CEP290: variants seen among roughly 807,000 people sequenced by gnomAD.
CEP290 encodes the protein centrosomal protein of 290 kDa.
Under a neutral mutation model 344.9 loss-of-function variants are expected in CEP290, and 317 were observed. The ratio of observed to expected loss-of-function variants is 0.92; its 90% CI spans 0.84 to 1.01. The LOEUF is 1.01. Ranked by LOEUF, CEP290 falls within the 50% of genes least tolerant of loss-of-function variation. The probability of loss-of-function intolerance (pLI) is 0.00; values close to 1 mark genes in which losing one functional copy is unlikely to be tolerated. For synonymous variants in CEP290, 932 were observed against 895.8 expected (o/e 1.04, Z -0.72); for missense variants, 2,754 against 2,761.4 (o/e 1.00, Z 0.06).
chr12:88,058,783 C>T, intron 49 of CEP290, 65 bp downstream of exon 49: 2 of 1,533,224 alleles, frequency 1.3e-6, no homozygotes, highest in Non-Finnish European at 1.8e-6. Context: ...ATAGTGTTGT[C>T]TTTTAAAACA....
intron 5 of CEP290, among the ~76,000 whole-genome samples, chr12:88,138,236 T>G (rs1239182757): frequency 6.6e-6 from 1 of 152,176 alleles, no homozygotes; most frequent in Non-Finnish European, 1.5e-5. Context: ...TCTATTCAGT[T>G]AAGACTTCAT....
At chr12:88,060,666 A>G (rs1380813055) in intron 47 of CEP290, among the ~76,000 whole-genome samples, 164 bp downstream of exon 47, 1 of 152,200 alleles carries the variant, frequency 6.6e-6, no homozygotes, top group Non-Finnish European at 1.5e-5. Flanking sequence ...GACCTACTCT[A>G]TAACCCTTAG....
intron 26 of CEP290, among the ~76,000 whole-genome samples, chr12:88,101,105 G>C (rs2037838409): frequency 6.6e-6 from 1 of 152,100 alleles, no homozygotes; most frequent in Non-Finnish European, 1.5e-5. Context: ...TGGAGATAGA[G>C]ACAGGAATAA....
At chr12:88,076,490 A>G (rs2035782531) in intron 41 of CEP290, among the ~76,000 whole-genome samples, 1 of 152,060 alleles carries the variant, frequency 6.6e-6, no homozygotes, top group African/African-American at 2.4e-5. Context: ...TCAATGGCAA[A>G]TATTACTGCT....
At chr12:88,103,777 C>T (rs1209677589) in intron 25 of CEP290, 4 of 152,036 alleles carry the variant, frequency 2.6e-5, no homozygotes, top group African/African-American at 4.8e-5. Flanking sequence ...TTCTGAAGTA[C>T]AGTAACGATG....
chr12:88,103,044 G>C, intron 25 of CEP290, 33 bp from the exon 26 acceptor site: 3 of 1,429,916 alleles, frequency 2.1e-6, no homozygotes, highest in Non-Finnish European at 2.8e-6. Context: ...AGTTATGCTG[G>C]TGTCTTTTTT....
chr12:88,099,982 T>TAA (rs869058639), intron 26 of CEP290, among the ~76,000 whole-genome samples: 1 of 142,794 alleles, frequency 7.0e-6, no homozygotes, highest in African/African-American at 2.6e-5. Flanking sequence ...TGGTCTCCTT[T>TAA]AAAAAAAAAA....
intron 23 of CEP290, among the ~76,000 whole-genome samples, chr12:88,108,704 G>A (rs1428145184): frequency 6.6e-6 from 1 of 152,114 alleles, no homozygotes; most frequent in East Asian, 1.9e-4. Context: ...ACTAGTCCGA[G>A]CATTTTCATC....
chr12:88,141,422 A>T, intron 1 of CEP290, 88 bp from the exon 2 acceptor site: 1 of 599,746 alleles, frequency 1.7e-6, no homozygotes, highest in Non-Finnish European at 2.7e-6. Context: ...AGATTATTTC[A>T]TTATAACTTT....
At chr12:88,050,485 G>C in intron 52 of CEP290, 52 bp from the exon 53 acceptor site, 1 of 807,388 alleles carries the variant, frequency 1.2e-6, no homozygotes, top group Non-Finnish European at 2.0e-6. Context: ...CTACGAATGA[G>C]TTCAAGGTAA....
chr12:88,136,197 A>G (rs539119886), intron 6 of CEP290: 1 of 159,474 alleles, frequency 6.3e-6, no homozygotes, highest in East Asian at 1.9e-4. Flanking sequence ...ACAACCAAAA[A>G]CAAGATATTT....
intron 51 of CEP290, 104 bp from the exon 52 acceptor site, chr12:88,053,850 T>C: frequency 1.8e-6 from 1 of 570,214 alleles, no homozygotes; most frequent in Non-Finnish European, 3.1e-6. Context: ...CAGAACAAGC[T>C]AGCCTTTATC....
In CEP290 at chr12:88,114,473, C is replaced by T. The variant is rs1374826842; in HGVS notation, c.1999G>A (p.Val667Ile). Residue 667 changes from valine to isoleucine, a missense_variant, in exon 20 of 54, where the codon GTT becomes ATT. By Grantham distance (29) the Val-to-Ile change is conservative. Transcript: ENST00000552810. ...AIKEMQKDPD[V>I]KGGETSLIIP... is the part of the protein sequence containing the mutation. ...ATTAGAGATGTTTCTCCTCCTTTAA[C>T]ATCAGGATCTTTCTGCATTTCCTTA... 7 of 1,547,984 alleles carry T rather than the reference C, an allele frequency of 4.5e-6. No individual in the cohort carries two copies. In the South Asian group the frequency reaches 8.4e-5, roughly 19 times the overall value.
chr12:88,130,678 T>C (rs2138105009), intron 7 of CEP290, 113 bp from the exon 8 acceptor site: 1 of 715,492 alleles, frequency 1.4e-6, no homozygotes, highest in East Asian at 3.0e-5. Context: ...TGATGCATAT[T>C]ATCTTGAATA....
chr12:88,101,073 G>A (rs1465615355), intron 26 of CEP290, among the ~76,000 whole-genome samples: 1 of 152,058 alleles, frequency 6.6e-6, no homozygotes, highest in African/African-American at 2.4e-5. Flanking sequence ...TCATTCTTGT[G>A]GCAGTAAGGA....
chr12:88,106,250 A>T (rs1490722047), intron 25 of CEP290, among the ~76,000 whole-genome samples: 1 of 152,200 alleles, frequency 6.6e-6, no homozygotes, highest in African/African-American at 2.4e-5. Flanking sequence ...AAAATGACAC[A>T]CACACAAAAG....
chr12:88,069,065 A>G (rs754960268), intron 43 of CEP290, among the ~76,000 whole-genome samples: 2 of 152,174 alleles, frequency 1.3e-5, no homozygotes, highest in African/African-American at 4.8e-5. Flanking sequence ...ATTTCAGATA[A>G]TAATTTAACA....
At chr12:88,081,854 T>C (rs915470656) in intron 37 of CEP290, among the ~76,000 whole-genome samples, 1 of 152,198 alleles carries the variant, frequency 6.6e-6, no homozygotes, top group Non-Finnish European at 1.5e-5. Flanking sequence ...CTCCAAAACA[T>C]GACAGAAATT....
At chr12:88,112,098 G>A (rs2038731529) in intron 20 of CEP290, among the ~76,000 whole-genome samples, 1 of 152,010 alleles carries the variant, frequency 6.6e-6, no homozygotes, top group Non-Finnish European at 1.5e-5. Flanking sequence ...AATCTTAATA[G>A]ACTGGTAGAC....
Sources: gnomAD v4.1 joint callset for allele counts (sites outside exome capture counted in the v4.1 genomes callset) on GRCh38, gnomAD v4.1.1 for gene constraint, MANE v1.5 for transcripts, NCBI Gene and HGNC (gene_info 2026-07-23, HGNC 2026-07-21) for gene names.